The following MICAL3 variants were observed in gnomAD, a reference collection of about 807,000 sequenced individuals.
MICAL3 encodes [F-actin]-monooxygenase MICAL3.
A neutral mutation model predicts 207.4 loss-of-function variants in MICAL3; 62 were observed. That is an observed-to-expected ratio of 0.30 (90% CI 0.24 to 0.37). The LOEUF (loss-of-function observed/expected upper bound fraction) is 0.37, where lower values mean the gene tolerates loss of function less well. Ranked by LOEUF, MICAL3 falls within the 10% of genes least tolerant of loss-of-function variation. The pLI is 1.00. For missense variants in MICAL3, 2,368 were observed against 2,635.6 expected (o/e 0.90, Z 2.22); for synonymous variants, 1,077 against 1,069.3 (o/e 1.01, Z -0.14).
intron 27 of MICAL3, chr22:17,813,843 G>A (rs562884777): frequency 2.6e-5 from 4 of 152,324 alleles, no homozygotes; most frequent in East Asian, 3.9e-4. Flanking sequence ...CACCCTGGTG[G>A]GCTGCAGGGC....
chr22:17,860,695 T>G, intron 19 of MICAL3: 1 of 985,446 alleles, frequency 1.0e-6, no homozygotes, highest in Non-Finnish European at 1.2e-6. Flanking sequence ...CGTGGTGTCC[T>G]GGCAGCAGCA....
At chr22:17,867,949 T>C (rs955892361) in intron 17 of MICAL3, among the ~76,000 whole-genome samples, 6 of 152,216 alleles carry the variant, frequency 3.9e-5, no homozygotes, top group South Asian at 2.1e-4. Context: ...TATAACTCAA[T>C]TGAACTCAAC....
At chr22:17,918,246 A>G (rs957210304) in intron 1 of MICAL3, among the ~76,000 whole-genome samples, 93 of 152,182 alleles carry the variant, frequency 6.1e-4, no homozygotes, top group African/African-American at 2.0e-3. Context: ...ATGCCACTGC[A>G]CTCTGGCCTG....
chr22:17,870,351 T>C (rs552450997), intron 17 of MICAL3, among the ~76,000 whole-genome samples: 2 of 152,328 alleles, frequency 1.3e-5, no homozygotes, highest in Admixed American at 1.3e-4. Flanking sequence ...TCCCCTGTGC[T>C]TCTACAAAGC....
chr22:17,881,057 C>G, intron 16 of MICAL3: 1 of 708,446 alleles, frequency 1.4e-6, no homozygotes. Context: ...ATAAAAGTTG[C>G]TTCCACCACA....
chr22:17,895,185 G>A, intron 10 of MICAL3, 99 bp downstream of exon 10: 4 of 1,226,208 alleles, frequency 3.3e-6, no homozygotes, highest in Non-Finnish European at 4.7e-6. Context: ...AAGTATCCTT[G>A]TATGTGTGGT....
intron 16 of MICAL3, chr22:17,881,412 C>T (rs1294961637): frequency 1.3e-5 from 11 of 833,932 alleles, no homozygotes; most frequent in Non-Finnish European, 1.9e-5. Flanking sequence ...CCCAGGGAGG[C>T]CTTTCCTTGC....
intron 1 of MICAL3, among the ~76,000 whole-genome samples, chr22:17,985,738 C>T (rs1241141181): frequency 5.3e-5 from 8 of 152,086 alleles, no homozygotes; most frequent in South Asian, 2.1e-4. Context: ...GCAGCAGAAT[C>T]GAGGCTTTCT....
intron 29 of MICAL3, among the ~76,000 whole-genome samples, chr22:17,800,802 A>C (rs2061929217): frequency 6.6e-6 from 1 of 152,230 alleles, no homozygotes; most frequent in African/African-American, 2.4e-5. Flanking sequence ...ATGAGGCTCC[A>C]GATCTCAAAA....
intron 1 of MICAL3, among the ~76,000 whole-genome samples, chr22:18,004,059 C>A (rs905843587): frequency 1.3e-5 from 2 of 151,402 alleles, no homozygotes; most frequent in African/African-American, 2.4e-5. Flanking sequence ...TGAGCCACTG[C>A]GCCTGGCCCC....
At position 17,817,410 on chromosome 22, in the gene MICAL3, T is replaced by C. The variant is rs1191962470; in HGVS notation, c.5251A>G (p.Lys1751Glu). 6.2e-7 allele frequency: 1 copy of C among 1,613,356 alleles called. No individual in the cohort carries two copies. Among genetic ancestry groups the C allele is most frequent in the African/African-American group, 1.3e-5 (1 of 74,928 alleles). Residue 1751 changes from lysine (K) to glutamate (E), a missense_variant, in exon 26 of 32, where the codon AAG becomes GAG. Physicochemically the swap from Lys to Glu is moderately conservative, Grantham distance 56. Around this residue, in one of 4 missense-constraint regions of MICAL3, gnomAD observed 1,770 missense variants for 1,863.2 expected, o/e 0.95. Transcript: ENST00000441493. Reference sequence around the variant, plus strand: ...GACTTGTCGTCGGCCTTCTTCTTCTTGTCCTTCTTGTACCCGGAGAAGACG... The same window carrying C: ...GACTTGTCGTCGGCCTTCTTCTTCTCGTCCTTCTTGTACCCGGAGAAGACG... ...KSVFSGYKKD[K>E]KKKADDKSCP...
rs753748779 is a variant in MICAL3, at chr22:17,790,801, C to T, written c.5940G>A (p.Arg1980=). The change falls in exon 32 of 32, where the codon CGG becomes CGA. Residue 1980 remains arginine (R), a synonymous_variant. Transcript: ENST00000441493. ...CCAGGTCCTTGTCCTCCTCTCTCTC[C>T]CGGAGCCGCTGCTCCTCCAGCAGCG... The part of the protein sequence containing the change: ...LVALLEEQRL[R]EREEDKDLEA... 1 of 1,613,446 alleles carries T rather than the reference C, an allele frequency of 6.2e-7. No homozygotes were observed. The highest frequency in any genetic ancestry group is 1.7e-5 in the Admixed American group (1 of 59,962).
chr22:17,803,975 A>G, intron 29 of MICAL3: 1 of 382,914 alleles, frequency 2.6e-6, no homozygotes, highest in Non-Finnish European at 3.6e-6. Context: ...CGCAAGAAAC[A>G]CAGACACAGC....
At chr22:17,829,349 A>G (rs553731458) in intron 21 of MICAL3, among the ~76,000 whole-genome samples, 4 of 152,136 alleles carry the variant, frequency 2.6e-5, no homozygotes, top group African/African-American at 9.6e-5. Context: ...TATATTTTTT[A>G]GTAGAGACAG....
At chr22:17,860,907 G>C in intron 19 of MICAL3, 1 of 985,320 alleles carries the variant, frequency 1.0e-6, no homozygotes, top group Non-Finnish European at 1.2e-6. Flanking sequence ...TTTAGAAACA[G>C]CTTCACAATT....
intron 1 of MICAL3, among the ~76,000 whole-genome samples, chr22:17,947,240 C>T (rs1386032708): frequency 6.6e-6 from 1 of 152,210 alleles, no homozygotes; most frequent in Non-Finnish European, 1.5e-5. Context: ...AGACTGTGCC[C>T]GCCAAGACAG....
chr22:17,905,464 C>T (rs1212327147), intron 2 of MICAL3, among the ~76,000 whole-genome samples: 2 of 152,158 alleles, frequency 1.3e-5, no homozygotes, highest in African/African-American at 4.8e-5. Flanking sequence ...GTAGTTTGCT[C>T]TGTGTGTGCG....
At chr22:17,909,425 T>A (rs911664909) in intron 1 of MICAL3, among the ~76,000 whole-genome samples, 6 of 152,254 alleles carry the variant, frequency 3.9e-5, no homozygotes, top group African/African-American at 4.8e-5. Context: ...TTCAGGAGGC[T>A]GAGGCATGAC....
chr22:17,892,520 G>A (rs776542938), intron 11 of MICAL3, among the ~76,000 whole-genome samples: 17 of 151,942 alleles, frequency 1.1e-4, no homozygotes, highest in Non-Finnish European at 2.1e-4. Context: ...TAGGTTTTTC[G>A]CCATGAAAAT....
Sources: gnomAD v4.1 joint callset for allele counts (sites outside exome capture counted in the v4.1 genomes callset) on GRCh38, gnomAD v4.1.1 for gene constraint, gnomAD v4.1.1 regional missense constraint, MANE v1.5 for transcripts, NCBI Gene and HGNC (gene_info 2026-07-23, HGNC 2026-07-21) for gene names.